The following SMCO1 variants were observed in gnomAD, a reference collection of about 807,000 sequenced individuals.
SMCO1 encodes single-pass membrane and coiled-coil domain-containing protein 1.
A neutral mutation model predicts 7.5 loss-of-function variants in SMCO1; 9 were observed. The ratio of observed to expected loss-of-function variants is 1.20; its 90% CI spans 0.72 to 2.09. SMCO1 has a LOEUF of 2.09. SMCO1 is among the 30% of genes most tolerant of loss of function. The pLI is 0.00. For synonymous variants in SMCO1, 90 were observed against 93.8 expected (o/e 0.96, Z 0.23); for missense variants, 219 against 253.1 (o/e 0.87, Z 0.91).
chr3:196,508,156 G>T lies in SMCO1; in HGVS notation c.376C>A (p.Leu126Met). Reference protein sequence around the residue: ...KRVRVVWESILEECGLQEGDI... With the variant: ...KRVRVVWESIMEECGLQEGDI... ...CCTTCTTGCAGCCCACACTCCTCCA[G>T]TATGGACTCCCATACAACTCTAACG... Residue 126 changes from leucine to methionine, a missense_variant, in exon 3 of 3, where the codon CTG becomes ATG. Transcript: ENST00000397537. 6.2e-7 allele frequency: 1 copy of T among 1,614,154 alleles called. No homozygotes were observed. The highest frequency in any genetic ancestry group is 1.3e-5 in the African/African-American group (1 of 75,018).
At chr3:196,513,790 T>G (rs1577536338) in intron 1 of SMCO1, among the ~76,000 whole-genome samples, 1 of 152,158 alleles carries the variant, frequency 6.6e-6, no homozygotes, top group Non-Finnish European at 1.5e-5. Context: ...TTCTTTGGAA[T>G]CCTCTCACCA....
rs978806718 is a variant in SMCO1 at position 196,507,144 on chromosome 3, C to T, written c.*743G>A. ...ACCAATCAGGAGAGAGGGTGCCAGA[C>T]GAGAATGGGAGCTCTCAGTCTGGCT... is the stretch of plus-strand genomic sequence containing the variant. On this transcript the variant is annotated 3_prime_UTR_variant, in exon 3 of 3. Coordinates refer to ENST00000397537, the MANE Select transcript of SMCO1 (RefSeq NM_001077657.3). 8.5e-5 allele frequency: 13 copies of T among 152,160 alleles called. No homozygotes were observed. Among genetic ancestry groups the T allele is most frequent in the African/African-American group, 2.9e-4 (12 of 41,410 alleles). 9.4% of individuals were successfully genotyped at this position (152,160 alleles called of 1,614,324 possible).
In SMCO1 at chr3:196,508,714, A is replaced by G. The variant is rs1476361679; in HGVS notation, c.201-383T>C. Among the ~76,000 whole-genome samples, 7 of 151,192 alleles carry G rather than the reference A, an allele frequency of 4.6e-5. No individual in the cohort carries two copies. The East Asian group carries it at 1.5e-3, about 32-fold the overall frequency. ...CACTGTGGGAGGACGAGGTGGTTGG[A>G]TCACCTGAGGTCAGGAGTTTGAGAC... On this transcript the variant is annotated intron_variant, in intron 2 of 2. Coordinates refer to ENST00000397537, the MANE Select transcript of SMCO1 (RefSeq NM_001077657.3).
Position 196,507,807 on chromosome 3 carries a change from C to A in SMCO1, c.*80G>T. Reference sequence around the variant, plus strand: ...CTCACTCTTTGCTATAAAAATAAGACTATAATAAATTGTGCATACTTTTTG... The same window carrying A: ...CTCACTCTTTGCTATAAAAATAAGAATATAATAAATTGTGCATACTTTTTG... On this transcript the variant is annotated 3_prime_UTR_variant, in exon 3 of 3. Transcript: ENST00000397537. 1.3e-6 allele frequency: 1 copy of A among 770,212 alleles called. No individual in the cohort carries two copies. The highest frequency in any genetic ancestry group is 2.7e-5 in the East Asian group (1 of 36,968). The allele number at this position is 770,212 out of a possible 1,614,324, so 47.7% of individuals were successfully genotyped here.
intron 1 of SMCO1, among the ~76,000 whole-genome samples, chr3:196,512,799 C>T (rs927660063): frequency 6.6e-6 from 1 of 152,084 alleles, no homozygotes; most frequent in African/African-American, 2.4e-5. Context: ...TGAGCCACCG[C>T]ACCCGGCCTA....
At chr3:196,512,621 C>T (rs1315538422) in intron 1 of SMCO1, among the ~76,000 whole-genome samples, 1 of 149,336 alleles carries the variant, frequency 6.7e-6, no homozygotes, top group East Asian at 2.0e-4. Context: ...AAGTGATTCT[C>T]CTGCCTCAGT....
At chr3:196,514,856 C>T (rs1045803538) in intron 1 of SMCO1, among the ~76,000 whole-genome samples, 5 of 152,204 alleles carry the variant, frequency 3.3e-5, no homozygotes, top group African/African-American at 1.2e-4. Flanking sequence ...ATTCTCCTGC[C>T]TCAGCCTCCC....
chr3:196,509,318 C>T (rs1221723339), intron 2 of SMCO1, among the ~76,000 whole-genome samples: 1 of 151,540 alleles, frequency 6.6e-6, no homozygotes, highest in Admixed American at 6.6e-5. Flanking sequence ...CCCGCCTCGG[C>T]CTCCCAAAGT....
At chr3:196,516,057 T>TA (rs1733383509), upstream of SMCO1, among the ~76,000 whole-genome samples, 1 of 117,082 alleles carries the variant, frequency 8.5e-6, no homozygotes, top group African/African-American at 2.9e-5. Context: ...ATACATATAA[T>TA]TATATATAAT....
At chr3:196,520,702 G>C in the SMCO1 span, among the ~76,000 whole-genome samples, 1 of 152,180 alleles carries the variant, frequency 6.6e-6, no homozygotes, top group Non-Finnish European at 1.5e-5. Context: ...TTGCTCCTAA[G>C]TCAGACTCTC....
At chr3:196,509,089 A>G (rs1039098653) in intron 2 of SMCO1, among the ~76,000 whole-genome samples, 6 of 150,278 alleles carry the variant, frequency 4.0e-5, no homozygotes, top group Admixed American at 1.3e-4. Context: ...TCGCTTTGTC[A>G]CCCAGGCTGG....
upstream of SMCO1, among the ~76,000 whole-genome samples, chr3:196,516,107 A>G (rs1459964156): frequency 7.0e-6 from 1 of 143,440 alleles, no homozygotes; most frequent in African/African-American, 2.5e-5. Flanking sequence ...ATATAATTTT[A>G]TATAATTATA....
At chr3:196,508,461 A>T (rs1733117786) in intron 2 of SMCO1, 130 bp from the exon 3 acceptor site, 1 of 713,408 alleles carries the variant, frequency 1.4e-6, no homozygotes, top group Non-Finnish European at 2.2e-6. Flanking sequence ...GAAAATATTT[A>T]CTTTAGAATT....
At position 196,509,575 on chromosome 3, in the gene SMCO1, C is replaced by T; in HGVS notation, c.145G>A (p.Ala49Thr). 1 of 1,613,912 alleles carries T rather than the reference C, an allele frequency of 6.2e-7. No individual in the cohort carries two copies. The highest frequency in any genetic ancestry group is 1.7e-4 in the Middle Eastern group (1 of 6,060). The change falls in exon 2 of 3, where the codon GCT (alanine) becomes ACT (threonine). Residue 49 changes from alanine (A) to threonine (T), a missense_variant. By Grantham distance (58) the Ala-to-Thr change is moderately conservative (BLOSUM62 0). Transcript: ENST00000397537. ...LMQKFEHHSK[A>T]LASQAAQDEM... ...TCTTGGGCTGCTTGGCTTGCCAAAGCCTTACTATGATGTTCGAATTTCTGC... is the reference window on the plus strand; with the variant it reads ...TCTTGGGCTGCTTGGCTTGCCAAAGTCTTACTATGATGTTCGAATTTCTGC...
intron 1 of SMCO1, among the ~76,000 whole-genome samples, chr3:196,511,390 CCTTAT>C (rs1733225851): frequency 7.3e-6 from 1 of 136,794 alleles, no homozygotes. Context: ...CCTAGATTGT[CCTTAT>C]GAGGGAAACC....
upstream of SMCO1, among the ~76,000 whole-genome samples, chr3:196,517,517 G>C (rs1445308355): frequency 2.6e-5 from 4 of 152,108 alleles, no homozygotes; most frequent in African/African-American, 9.7e-5. Context: ...ATGGTGCTGG[G>C]GAGAGGGTGT....
chr3:196,513,162 C>G (rs1274269691), intron 1 of SMCO1, among the ~76,000 whole-genome samples: 1 of 151,368 alleles, frequency 6.6e-6, no homozygotes, highest in African/African-American at 2.4e-5. Context: ...GACCTCATCT[C>G]TACAAAAAAT....
intron 2 of SMCO1, among the ~76,000 whole-genome samples, chr3:196,509,042 C>G (rs2108660957): frequency 6.6e-6 from 1 of 150,768 alleles, no homozygotes; most frequent in Middle Eastern, 3.4e-3. Context: ...TAAAGAGATG[C>G]TCAAATTAAT....
In SMCO1 at chr3:196,507,802, T is replaced by G; in HGVS notation, c.*85A>C. 1.3e-6 allele frequency: 1 copy of G among 745,956 alleles called. No homozygotes were observed. The highest frequency in any genetic ancestry group is 2.2e-6 in the Non-Finnish European group (1 of 455,254). The allele number at this position is 745,956 out of a possible 1,614,324, so 46.2% of individuals were successfully genotyped here. On this transcript the variant is annotated 3_prime_UTR_variant, in exon 3 of 3. Transcript: ENST00000397537. ...ATCCTCTCACTCTTTGCTATAAAAA[T>G]AAGACTATAATAAATTGTGCATACT...
Sources: gnomAD v4.1 joint callset for allele counts (sites outside exome capture counted in the v4.1 genomes callset) on GRCh38, gnomAD v4.1.1 for gene constraint, MANE v1.5 for transcripts, NCBI Gene and HGNC (gene_info 2026-07-23, HGNC 2026-07-21) for gene names.